PASK: variants seen among roughly 807,000 people sequenced by gnomAD.
PASK encodes PAS domain-containing serine/threonine-protein kinase.
Under a neutral mutation model 121.0 loss-of-function variants are expected in PASK, and 110 were observed. That is an observed-to-expected ratio of 0.91 (90% CI 0.78 to 1.06). The LOEUF (loss-of-function observed/expected upper bound fraction) is 1.06. PASK is among the 50% of genes least tolerant of loss of function. The pLI is 0.00. For synonymous variants in PASK, 686 were observed against 717.8 expected (o/e 0.96, Z 0.71); for missense variants, 1,643 against 1,702.3 (o/e 0.97, Z 0.61).
intron 14 of PASK, chr2:241,113,733 A>T: frequency 1.0e-6 from 1 of 985,506 alleles, no homozygotes; most frequent in Middle Eastern, 5.2e-4. Context: ...CTTCCTGCAG[A>T]TGCTTCTGTG....
intron 15 of PASK, chr2:241,109,796 T>C (rs1410238627): frequency 2.0e-5 from 3 of 152,222 alleles, no homozygotes; most frequent in African/African-American, 7.2e-5. Context: ...AAGAGAAATA[T>C]CCAATAGAAC....
At chr2:241,148,658 A>G (rs934652998) in intron 1 of PASK, among the ~76,000 whole-genome samples, 3 of 152,222 alleles carry the variant, frequency 2.0e-5, no homozygotes, top group Admixed American at 2.0e-4. Context: ...TAGGAGTAAC[A>G]TGGCCAGATA....
Position 241,138,645 on chromosome 2 carries a change from C to T in PASK, c.741+9G>A, listed in dbSNP as rs1280265474. The T allele has an allele frequency of 6.2e-7, 1 of 1,613,800 alleles. No homozygotes were observed. On this transcript the variant is annotated intron_variant, in intron 5 of 17. Coordinates refer to ENST00000234040, the MANE Select transcript of PASK (RefSeq NM_015148.4). ...GTCCATGAGACATGAGGCAAAGTTG[C>T]ACACTCACATCGCTCTGGAAAGCGA...
intron 12 of PASK, among the ~76,000 whole-genome samples, chr2:241,121,191 G>A (rs1200379004): frequency 6.6e-6 from 1 of 152,312 alleles, no homozygotes; most frequent in Admixed American, 6.5e-5. Flanking sequence ...CGAGCAGGAC[G>A]GGGGTTATGC....
chr2:241,130,454 A>C (rs898051241), intron 9 of PASK, among the ~76,000 whole-genome samples: 5 of 152,142 alleles, frequency 3.3e-5, no homozygotes, highest in Non-Finnish European at 7.4e-5. Flanking sequence ...GTCCACCAAG[A>C]TGTCCCAGAC....
intron 12 of PASK, among the ~76,000 whole-genome samples, chr2:241,116,512 T>A (rs1193968220): frequency 6.6e-6 from 1 of 152,190 alleles, no homozygotes; most frequent in Non-Finnish European, 1.5e-5. Context: ...TGGAAAGCCC[T>A]GGCCAAGAGA....
At chr2:241,143,339 G>A (rs901208883) in intron 1 of PASK, among the ~76,000 whole-genome samples, 8 of 152,056 alleles carry the variant, frequency 5.3e-5, no homozygotes, top group Admixed American at 2.0e-4. Context: ...TCAGGAGATC[G>A]AGGAGATCGA....
At chr2:241,115,217 T>C in intron 13 of PASK, 40 bp from the exon 14 acceptor site, 1 of 1,614,002 alleles carries the variant, frequency 6.2e-7, no homozygotes, top group African/African-American at 1.3e-5. Context: ...TACCAAAACA[T>C]CTTCAAGTCA....
rs558228496 is a variant in PASK at position 241,106,551 on chromosome 2, G to T, written c.*15C>A. The T allele has an allele frequency of 6.2e-7, 1 of 1,613,678 alleles. No individual in the cohort carries two copies. The highest frequency in any genetic ancestry group is 8.5e-7 in the Non-Finnish European group (1 of 1,179,666). ...TTTCCAAACCAAGTGGAGAAAAGCA[G>T]GAAGAAATTGGTGTTTAGCTGGTCA... On this transcript the variant is annotated 3_prime_UTR_variant, in exon 18 of 18. Coordinates refer to ENST00000234040, the MANE Select transcript of PASK (RefSeq NM_015148.4).
At chr2:241,150,141 G>C (rs2067217612), upstream of PASK, 3 of 1,272,514 alleles carry the variant, frequency 2.4e-6, no homozygotes, top group Non-Finnish European at 3.0e-6. Context: ...TCGAGACAGT[G>C]ACATAAGTCA....
chr2:241,126,275 G>A lies in PASK; in HGVS notation c.2640C>T (p.Arg880=), dbSNP rs773983757. Residue 880 remains arginine (R), a synonymous_variant, in exon 10 of 18, where the codon CGC becomes CGT. Transcript: ENST00000234040. Reference sequence around the variant, plus strand: ...TCTCCCGCTGCAGGCCAGCAGCCCCGCGCATCACGATCACGGGCGTGGAGG... The same window carrying A: ...TCTCCCGCTGCAGGCCAGCAGCCCCACGCATCACGATCACGGGCGTGGAGG... ...QVTSTPVIVM[R]GAAGLQREIQ... The A allele has an allele frequency of 4.3e-5, 69 of 1,614,004 alleles. No individual in the cohort carries two copies. The highest frequency in any genetic ancestry group is 5.4e-5 in the Non-Finnish European group (64 of 1,180,034).
intron 8 of PASK, chr2:241,133,379 C>T: frequency 2.6e-6 from 1 of 379,020 alleles, no homozygotes. Context: ...CTCCAGGTCT[C>T]TCCACCTGGC....
chr2:241,121,648 A>T (rs565165009), intron 12 of PASK, among the ~76,000 whole-genome samples: 5 of 152,370 alleles, frequency 3.3e-5, no homozygotes, highest in Admixed American at 1.3e-4. Flanking sequence ...ATATAGACAT[A>T]AATGACTAAA....
upstream of PASK, chr2:241,149,991 GT>G: frequency 7.1e-7 from 1 of 1,415,028 alleles, no homozygotes; most frequent in Non-Finnish European, 9.2e-7. Flanking sequence ...CCGGGAGAAT[GT>G]TGTTGCTCTT....
chr2:241,113,703 G>C, intron 14 of PASK: 1 of 985,004 alleles, frequency 1.0e-6, no homozygotes, highest in Non-Finnish European at 1.2e-6. Flanking sequence ...GGGCTAAAGA[G>C]CGACTTGAAG....
rs563067301 is a variant in PASK at position 241,141,355 on chromosome 2, C to T, written c.197-602G>A. On this transcript the variant is annotated intron_variant, in intron 2 of 17. Coordinates refer to ENST00000234040, the MANE Select transcript of PASK (RefSeq NM_015148.4). Reference sequence around the variant, plus strand: ...ACCTTCTGTCCTCTGTCAGTCATTCCAAGACCCCATGGCCACTCCGGTGGC... The same window carrying T: ...ACCTTCTGTCCTCTGTCAGTCATTCTAAGACCCCATGGCCACTCCGGTGGC... 3.3e-5 allele frequency among the ~76,000 whole-genome samples: 5 copies of T among 152,288 alleles called. No individual in the cohort carries two copies. In the South Asian group the frequency reaches 1.0e-3, roughly 32 times the overall value.
At chr2:241,146,499 C>G (rs2066962378) in intron 1 of PASK, among the ~76,000 whole-genome samples, 1 of 151,998 alleles carries the variant, frequency 6.6e-6, no homozygotes, top group Non-Finnish European at 1.5e-5. Context: ...GAAATGAAAC[C>G]CAAACACTCT....
Position 241,126,218 on chromosome 2 carries a change from G to C in PASK, c.2697C>G (p.Tyr899Ter), listed in dbSNP as rs1180859445. 3.1e-6 allele frequency: 5 copies of C among 1,613,940 alleles called. No individual in the cohort carries two copies. ...TACTCAGCCGTAAGCCATCTCGATG[G>C]TAGCAGCTCCCGGAGTAGGCACCCT... ...IQEGAYSGSC[Y>*]HRDGLRLSIQ... Residue 899 changes from tyrosine to a stop codon, truncating the protein, a stop_gained, in exon 10 of 18, where the codon TAC (tyrosine) becomes TAG (stop). Transcript: ENST00000234040. LOFTEE classifies it high-confidence loss of function.
chr2:241,135,549 A>G (rs1484849490), intron 8 of PASK, among the ~76,000 whole-genome samples: 1 of 152,150 alleles, frequency 6.6e-6, no homozygotes, highest in Non-Finnish European at 1.5e-5. Flanking sequence ...ATGAAGCTAT[A>G]TAAGTTTACT....
Sources: allele counts gnomAD v4.1 joint callset (sites outside exome capture counted in the v4.1 genomes callset), GRCh38; gene constraint gnomAD v4.1.1; transcripts MANE v1.5; gene names NCBI Gene and HGNC (gene_info 2026-07-23, HGNC 2026-07-21).